NDUFAF2: variants seen among roughly 807,000 people sequenced by gnomAD.
NDUFAF2 encodes NADH:ubiquinone oxidoreductase complex assembly factor 2.
NDUFAF2 carries 13 observed loss-of-function variants against 22.8 expected under a neutral mutation model. The ratio of observed to expected loss-of-function variants is 0.57; its 90% CI spans 0.37 to 0.91. The LOEUF (loss-of-function observed/expected upper bound fraction) is 0.91. NDUFAF2 is among the 40% of genes least tolerant of loss of function. The pLI, the probability that NDUFAF2 is intolerant of heterozygous loss-of-function variation, is 0.01. For synonymous variants in NDUFAF2, 53 were observed against 64.2 expected (o/e 0.83, Z 0.84); for missense variants, 162 against 195.2 (o/e 0.83, Z 1.01).
chr5:60,954,936 G>GT (rs969904437), intron 1 of NDUFAF2, among the ~76,000 whole-genome samples: 2 of 151,932 alleles, frequency 1.3e-5, no homozygotes, highest in Admixed American at 1.3e-4. Context: ...AATTTATTTG[G>GT]TTTTTTGCTA....
At chr5:61,107,090 C>CACACACACACACACACACACAT (rs918380662) in intron 3 of NDUFAF2, among the ~76,000 whole-genome samples, 40 of 146,152 alleles carry the variant, frequency 2.7e-4, no homozygotes, top group African/African-American at 1.1e-3. Flanking sequence ...CACACACACA[C>CACACACACACACACACACACAT]ATATATGCCT....
intron 2 of NDUFAF2, among the ~76,000 whole-genome samples, chr5:61,077,914 A>G (rs922043760): frequency 3.3e-5 from 5 of 152,228 alleles, no homozygotes; most frequent in African/African-American, 1.2e-4. Context: ...CCTAAGTATC[A>G]ATAGCAACTA....
In NDUFAF2 at chr5:61,016,576, C is replaced by T. The variant is rs1179547853; in HGVS notation, c.128-56549C>T. Among the ~76,000 whole-genome samples the T allele has an allele frequency of 2.6e-5, 4 of 152,160 alleles. No homozygotes were observed. In the East Asian group the frequency reaches 7.7e-4, roughly 29 times the overall value. On this transcript the variant is annotated intron_variant, in intron 1 of 3. Coordinates refer to ENST00000296597, the MANE Select transcript of NDUFAF2 (RefSeq NM_174889.5). Reference sequence around the variant, plus strand: ...TTCACTAATTTTGCCTTCTACCACACTAATATATTGTCTTGACAGAGTATA... The same window carrying T: ...TTCACTAATTTTGCCTTCTACCACATTAATATATTGTCTTGACAGAGTATA...
At chr5:60,998,143 C>T (rs1164489045) in intron 1 of NDUFAF2, among the ~76,000 whole-genome samples, 2 of 151,924 alleles carry the variant, frequency 1.3e-5, no homozygotes, top group South Asian at 2.1e-4. Flanking sequence ...ACATTTTGGG[C>T]AATGTAAACT....
intron 1 of NDUFAF2, among the ~76,000 whole-genome samples, chr5:60,979,330 A>T (rs567275384): frequency 6.6e-6 from 1 of 152,184 alleles, no homozygotes; most frequent in Non-Finnish European, 1.5e-5. Context: ...GCTCAGCCAC[A>T]GCAGGGTAGA....
chr5:60,945,418 G>A, intron 1 of NDUFAF2, 36 bp downstream of exon 1: 1 of 1,614,128 alleles, frequency 6.2e-7, no homozygotes, highest in South Asian at 1.1e-5. Context: ...TGCGTGGTCA[G>A]TGATTGCGAG....
chr5:61,089,374 A>T (rs1252370556), intron 2 of NDUFAF2, among the ~76,000 whole-genome samples: 1 of 152,184 alleles, frequency 6.6e-6, no homozygotes, highest in Non-Finnish European at 1.5e-5. Context: ...TATATAATTT[A>T]TAATTGGATA....
chr5:60,996,714 G>T (rs910428645), intron 1 of NDUFAF2, among the ~76,000 whole-genome samples: 3 of 152,168 alleles, frequency 2.0e-5, no homozygotes, highest in Non-Finnish European at 4.4e-5. Flanking sequence ...TCAAACTGCT[G>T]GGATTAGTGA....
intron 3 of NDUFAF2, among the ~76,000 whole-genome samples, chr5:61,140,891 G>T (rs569211093): frequency 1.3e-5 from 2 of 152,196 alleles, no homozygotes; most frequent in East Asian, 3.9e-4. Flanking sequence ...GTTTAATACT[G>T]AAGTATCACC....
intron 1 of NDUFAF2, among the ~76,000 whole-genome samples, chr5:61,044,309 A>G (rs917285458): frequency 5.3e-5 from 8 of 151,018 alleles, no homozygotes; most frequent in African/African-American, 2.0e-4. Context: ...TTGTATCTTC[A>G]CTCTGTTTTA....
intron 1 of NDUFAF2, among the ~76,000 whole-genome samples, chr5:61,057,296 A>G (rs187656884): frequency 1.3e-5 from 2 of 152,306 alleles, no homozygotes; most frequent in East Asian, 1.9e-4. Context: ...TCACAGCTGA[A>G]GTAGGCTTTA....
chr5:60,964,467 T>G (rs79229357), intron 1 of NDUFAF2, among the ~76,000 whole-genome samples: 2 of 151,656 alleles, frequency 1.3e-5, no homozygotes, highest in African/African-American at 4.8e-5. Context: ...TTTTTTTTTT[T>G]GGAGACCGAG....
chr5:60,983,167 T>C (rs1418213630), intron 1 of NDUFAF2, among the ~76,000 whole-genome samples: 1 of 151,066 alleles, frequency 6.6e-6, no homozygotes, highest in African/African-American at 2.4e-5. Flanking sequence ...TGAGCATTTT[T>C]TCATGTGTCT....
At chr5:61,040,302 G>GCGCGCGC (rs1491236283) in intron 1 of NDUFAF2, among the ~76,000 whole-genome samples, 10 of 146,368 alleles carry the variant, frequency 6.8e-5, no homozygotes, top group African/African-American at 2.5e-4. Context: ...GCGCGCGCGC[G>GCGCGCGC]AAAGTTGAAA....
intron 1 of NDUFAF2, among the ~76,000 whole-genome samples, chr5:61,021,037 T>C (rs1278818512): frequency 6.7e-6 from 1 of 149,440 alleles, no homozygotes; most frequent in Non-Finnish European, 1.5e-5. Context: ...TTTCCAAATA[T>C]ATTAGGAAAC....
chr5:61,044,139 G>A (rs1012735555), intron 1 of NDUFAF2, among the ~76,000 whole-genome samples: 17 of 151,826 alleles, frequency 1.1e-4, no homozygotes, highest in Admixed American at 3.9e-4. Context: ...CCTGTTGGCC[G>A]TTTATAAGTT....
intron 3 of NDUFAF2, among the ~76,000 whole-genome samples, chr5:61,106,806 A>T (rs1752769886): frequency 6.6e-6 from 1 of 150,994 alleles, no homozygotes; most frequent in African/African-American, 2.5e-5. Flanking sequence ...TGCCTGCCTT[A>T]TTTCACTTAA....
In NDUFAF2 at chr5:61,045,039, A is replaced by G. The variant is rs13163956; in HGVS notation, c.128-28086A>G. Among the ~76,000 whole-genome samples the G allele has an allele frequency of 3.6e-4, 51 of 142,056 alleles. 2 individuals are homozygous for G. Among genetic ancestry groups the G allele is most frequent in the Non-Finnish European group, 5.8e-4 (37 of 64,138 alleles). The allele number at this position is 142,056 out of a possible 152,430, so 93.2% of individuals were successfully genotyped here. On this transcript the variant is annotated intron_variant, in intron 1 of 3. Coordinates refer to ENST00000296597, the MANE Select transcript of NDUFAF2 (RefSeq NM_174889.5). Reference sequence around the variant, plus strand: ...ATTAAATTTATTAAATTTTAATTTAATTAACATTTTAATAAAGTAAAATAA... The same window carrying G: ...ATTAAATTTATTAAATTTTAATTTAGTTAACATTTTAATAAAGTAAAATAA...
At chr5:61,076,515 T>C (rs1752372571) in intron 2 of NDUFAF2, among the ~76,000 whole-genome samples, 1 of 152,196 alleles carries the variant, frequency 6.6e-6, no homozygotes, top group Admixed American at 6.5e-5. Flanking sequence ...AGGAACATGC[T>C]CAGATGTTTG....
Sources: gnomAD v4.1 joint callset for allele counts (sites outside exome capture counted in the v4.1 genomes callset) on GRCh38, gnomAD v4.1.1 for gene constraint, MANE v1.5 for transcripts, NCBI Gene and HGNC (gene_info 2026-07-23, HGNC 2026-07-21) for gene names.